The following COP1 variants were observed in gnomAD, a reference collection of about 807,000 sequenced individuals.
The protein encoded by COP1 is E3 ubiquitin-protein ligase COP1.
A neutral mutation model predicts 101.3 loss-of-function variants in COP1; 24 were observed. That is an observed-to-expected ratio of 0.24 (90% CI 0.17 to 0.33). The LOEUF is 0.33. Among genes scored for constraint, COP1 ranks in the 10% least tolerant of loss-of-function variants. The pLI is 1.00. For synonymous variants in COP1, 347 were observed against 341.9 expected, an observed-to-expected ratio of 1.01 and a Z score of -0.17; for missense variants, 663 against 906.2, an observed-to-expected ratio of 0.73 and a Z score of 3.45.
chr1:176,162,157 C>A (rs915016352), intron 5 of COP1, among the ~76,000 whole-genome samples: 9 of 152,076 alleles, frequency 5.9e-5, no homozygotes, highest in Non-Finnish European at 1.2e-4. Context: ...TCCAGAGAAG[C>A]CATGGTTCTA....
intron 18 of COP1, among the ~76,000 whole-genome samples, chr1:175,956,555 C>A (rs984176580): frequency 6.6e-6 from 1 of 151,868 alleles, no homozygotes; most frequent in African/African-American, 2.4e-5. Context: ...TCCACACTTA[C>A]TAGAACAACT....
At chr1:176,122,417 C>G (rs1166594284) in intron 8 of COP1, among the ~76,000 whole-genome samples, 1 of 151,970 alleles carries the variant, frequency 6.6e-6, no homozygotes, top group African/African-American at 2.4e-5. Flanking sequence ...ATACTCTGAC[C>G]CAAAAGATTT....
At chr1:176,116,159 C>T (rs1686153022) in intron 9 of COP1, among the ~76,000 whole-genome samples, 1 of 152,090 alleles carries the variant, frequency 6.6e-6, no homozygotes, top group African/African-American at 2.4e-5. Context: ...AGACAGATCG[C>T]TTGAGTCCAG....
rs564741638 is a variant in COP1, at chr1:176,004,086, C to A, written c.1730-14607G>T. Among the ~76,000 whole-genome samples the A allele has an allele frequency of 3.2e-3, 483 of 148,734 alleles. 1 individual carries two copies. The highest frequency in any genetic ancestry group is 6.8e-3 in the Middle Eastern group (2 of 294). On this transcript the variant is annotated intron_variant, in intron 15 of 19. Coordinates refer to ENST00000367669, the MANE Select transcript of COP1 (RefSeq NM_022457.7). ...CTTCACATCCCTTGTAAGTTGGATT[C>A]CTAGGTATTTTATTCTCTTTGAAGC... is the stretch of plus-strand genomic sequence containing the variant.
intron 11 of COP1, among the ~76,000 whole-genome samples, chr1:176,062,936 T>C (rs1413214221): frequency 6.6e-6 from 1 of 151,962 alleles, no homozygotes; most frequent in African/African-American, 2.4e-5. Flanking sequence ...AATTTTTAAA[T>C]GGTTGAATTA....
chr1:175,978,235 T>C (rs912584903), intron 18 of COP1, among the ~76,000 whole-genome samples: 1 of 152,126 alleles, frequency 6.6e-6, no homozygotes, highest in Non-Finnish European at 1.5e-5. Context: ...AAAAAAGGAT[T>C]TAATGAGGAA....
chr1:175,952,462 C>T (rs1443523650), intron 18 of COP1, among the ~76,000 whole-genome samples: 2 of 151,056 alleles, frequency 1.3e-5, no homozygotes, highest in African/African-American at 4.9e-5. Flanking sequence ...GAAAGCCATC[C>T]ATTGAGATAC....
rs184931506 is a variant in COP1 at position 176,075,118 on chromosome 1, G to T, written c.1277+6034C>A. The stretch of plus-strand genomic sequence containing the variant: ...TGTTCATGACTATATGCCTAGTCTG[G>T]CCTAGCCTGCACTACGTTATCAATG... On this transcript the variant is annotated intron_variant, in intron 11 of 19. Transcript: ENST00000367669. Among the ~76,000 whole-genome samples, 256 of 152,186 alleles carry T rather than the reference G, an allele frequency of 1.7e-3. 1 individual carries two copies. Among genetic ancestry groups the T allele is most frequent in the African/African-American group, 5.9e-3 (245 of 41,524 alleles).
chr1:176,022,331 A>G (rs1224032151), intron 15 of COP1, among the ~76,000 whole-genome samples: 1 of 152,232 alleles, frequency 6.6e-6, no homozygotes, highest in Non-Finnish European at 1.5e-5. Context: ...CAGGAAGTCA[A>G]ACTATAATTG....
At chr1:176,172,358 C>A (rs1181059436) in intron 3 of COP1, among the ~76,000 whole-genome samples, 1 of 152,182 alleles carries the variant, frequency 6.6e-6, no homozygotes, top group Non-Finnish European at 1.5e-5. Context: ...GTATTCTTTA[C>A]AATCACTTAA....
rs371339841 is a variant in COP1 at position 175,988,460 on chromosome 1, C to T, written c.1848-48G>A. On this transcript the variant is annotated intron_variant, in intron 16 of 19. Coordinates refer to ENST00000367669, the MANE Select transcript of COP1 (RefSeq NM_022457.7). ...AGAACTTACTTAAAATTTCTTGGCA[C>T]GAAACTCATCACTACTAATTAGAGG... is the stretch of plus-strand genomic sequence containing the variant. The T allele has an allele frequency of 2.2e-5, 34 of 1,516,556 alleles. No homozygotes were observed. The East Asian group carries it at 4.3e-4, about 19-fold the overall frequency. The allele number at this position is 1,516,556 out of a possible 1,614,324, so 93.9% of individuals were successfully genotyped here.
At chr1:176,112,321 T>C (rs947018198) in intron 9 of COP1, among the ~76,000 whole-genome samples, 2 of 152,166 alleles carry the variant, frequency 1.3e-5, no homozygotes, top group African/African-American at 4.8e-5. Context: ...TTAAATTTTA[T>C]TATTATTATA....
At chr1:176,057,599 G>A (rs968894437) in intron 11 of COP1, among the ~76,000 whole-genome samples, 3 of 152,206 alleles carry the variant, frequency 2.0e-5, no homozygotes, top group African/African-American at 7.2e-5. Flanking sequence ...GGCCTCCCGA[G>A]GTGCCGGGAT....
At chr1:176,039,419 A>C (rs2149149378) in intron 14 of COP1, among the ~76,000 whole-genome samples, 1 of 152,196 alleles carries the variant, frequency 6.6e-6, no homozygotes, top group Non-Finnish European at 1.5e-5. Context: ...AGTTAAATCT[A>C]AAGTAAGCAG....
chr1:175,987,732 A>G (rs1657460240), intron 17 of COP1, among the ~76,000 whole-genome samples: 1 of 152,228 alleles, frequency 6.6e-6, no homozygotes. Context: ...CAAGTCATTT[A>G]AAAGTATGAT....
intron 8 of COP1, among the ~76,000 whole-genome samples, chr1:176,132,576 CTA>C (rs1441071280): frequency 3.5e-5 from 5 of 141,072 alleles, no homozygotes; most frequent in Non-Finnish European, 6.1e-5. Flanking sequence ...CGTATATATA[CTA>C]TATATACACA....
chr1:176,129,239 C>T (rs945371156), intron 8 of COP1, among the ~76,000 whole-genome samples: 6 of 151,802 alleles, frequency 4.0e-5, no homozygotes, highest in Admixed American at 6.6e-5. Context: ...ATTGTCCCTA[C>T]ACTTTGATTC....
At position 176,043,565 on chromosome 1, in the gene COP1, A is replaced by C. The variant is rs1671007240; in HGVS notation, c.1530+145T>G. The C allele has an allele frequency of 4.8e-6, 3 of 624,078 alleles. No individual in the cohort carries two copies. The East Asian group carries it at 7.9e-5, about 16-fold the overall frequency. 38.7% of individuals were successfully genotyped at this position (624,078 alleles called of 1,614,324 possible). A position where few individuals can be genotyped will look rare whatever the true frequency, so the allele number is the denominator to read the frequency against. On this transcript the variant is annotated intron_variant, in intron 13 of 19. Coordinates refer to ENST00000367669, the MANE Select transcript of COP1 (RefSeq NM_022457.7). ...AAAGTGGGAGACAGGAAAAAAAAGC[A>C]TTTGGTATTGCATAGGTGTTACACA...
chr1:176,109,167 A>G (rs537057821), intron 9 of COP1, among the ~76,000 whole-genome samples: 11 of 152,298 alleles, frequency 7.2e-5, no homozygotes, highest in African/African-American at 2.6e-4. Flanking sequence ...GAAGCAATTA[A>G]GCCATTTACT....
Sources: allele counts gnomAD v4.1 joint callset (sites outside exome capture counted in the v4.1 genomes callset), GRCh38; gene constraint gnomAD v4.1.1; transcripts MANE v1.5; gene names NCBI Gene and HGNC (gene_info 2026-07-23, HGNC 2026-07-21).